GTPBP10: variants seen among roughly 807,000 people sequenced by gnomAD.
GTPBP10 encodes the protein GTP binding protein 10, also known as GTP-binding protein 10.
In GTPBP10, 38 loss-of-function variants were observed where a neutral mutation model predicts 44.8. That is an observed-to-expected ratio of 0.85 (90% CI 0.65 to 1.11). The LOEUF (loss-of-function observed/expected upper bound fraction) is 1.11. Ranked by LOEUF, GTPBP10 falls within the 50% of genes most tolerant of loss-of-function variation. The pLI, the probability that GTPBP10 is intolerant of heterozygous loss-of-function variation, is 0.00. For synonymous variants in GTPBP10, 152 were observed against 150.6 expected, an observed-to-expected ratio of 1.01 and a Z score of -0.07; for missense variants, 462 against 453.7, an observed-to-expected ratio of 1.02 and a Z score of -0.17.
At chr7:90,375,599 T>C (rs143004146) in intron 6 of GTPBP10, among the ~76,000 whole-genome samples, 1 of 152,266 alleles carries the variant, frequency 6.6e-6, no homozygotes, top group Admixed American at 6.5e-5. Flanking sequence ...TATGAATATA[T>C]AGAACAATAT....
At chr7:90,368,048 T>G (rs1796172027) in intron 4 of GTPBP10, among the ~76,000 whole-genome samples, 3 of 152,178 alleles carry the variant, frequency 2.0e-5, no homozygotes, top group Non-Finnish European at 4.4e-5. Flanking sequence ...GAATCTTAAT[T>G]TGGCTGGATA....
At chr7:90,360,352 A>G (rs941258176) in intron 4 of GTPBP10, among the ~76,000 whole-genome samples, 1 of 152,218 alleles carries the variant, frequency 6.6e-6, no homozygotes, top group Non-Finnish European at 1.5e-5. Context: ...TCAGCTTTCT[A>G]CATATGGCTA....
chr7:90,350,695 A>G (rs1469168736), intron 1 of GTPBP10, among the ~76,000 whole-genome samples: 2 of 152,236 alleles, frequency 1.3e-5, no homozygotes, highest in African/African-American at 4.8e-5. Flanking sequence ...TTAATTCACA[A>G]AAAGTGCAAG....
rs896318297 is a variant in GTPBP10 at position 90,368,588 on chromosome 7, A to G, written c.465-3567A>G. 7.9e-5 allele frequency among the ~76,000 whole-genome samples: 12 copies of G among 152,206 alleles called. No individual in the cohort carries two copies. In the South Asian group the frequency reaches 8.3e-4, roughly 11 times the overall value. ...TTTCTTCCACTTGATCCAGTCGGCT[A>G]TTGAAGCTTGTGCGTGCGTCACGAA... On this transcript the variant is annotated intron_variant, in intron 4 of 9. Transcript: ENST00000222511.
chr7:90,364,574 G>A (rs979548265), intron 4 of GTPBP10, among the ~76,000 whole-genome samples: 4 of 152,134 alleles, frequency 2.6e-5, no homozygotes, highest in Admixed American at 2.6e-4. Context: ...GGCTACTCGG[G>A]GATCAGGGAC....
At chr7:90,358,434 G>A (rs1434660300) in intron 4 of GTPBP10, among the ~76,000 whole-genome samples, 1 of 152,064 alleles carries the variant, frequency 6.6e-6, no homozygotes, top group Non-Finnish European at 1.5e-5. Context: ...TAGACCAATG[G>A]AACAGAATAG....
chr7:90,384,801 G>A, intron 9 of GTPBP10, 91 bp from the exon 10 acceptor site: 1 of 1,318,766 alleles, frequency 7.6e-7, no homozygotes, highest in Non-Finnish European at 1.0e-6. Context: ...GCTGGTGTTG[G>A]TTCCCTGCTT....
intron 4 of GTPBP10, among the ~76,000 whole-genome samples, chr7:90,370,604 G>C (rs1796239647): frequency 6.6e-6 from 1 of 152,108 alleles, no homozygotes; most frequent in Non-Finnish European, 1.5e-5. Context: ...TACACTACTT[G>C]GGTGATGGGT....
At chr7:90,366,285 G>C (rs1386986898) in intron 4 of GTPBP10, among the ~76,000 whole-genome samples, 1 of 152,166 alleles carries the variant, frequency 6.6e-6, no homozygotes, top group South Asian at 2.1e-4. Context: ...GATGATGCTA[G>C]CATCATGGAA....
intron 5 of GTPBP10, among the ~76,000 whole-genome samples, chr7:90,372,874 GT>G (rs1796284081): frequency 6.6e-6 from 1 of 152,102 alleles, no homozygotes; most frequent in African/African-American, 2.4e-5. Context: ...AACAGCTCCT[GT>G]TTTGACTTGT....
At chr7:90,377,994 A>C (rs1584645838) in intron 7 of GTPBP10, 140 bp from the exon 8 acceptor site, 1 of 1,124,342 alleles carries the variant, frequency 8.9e-7, no homozygotes, top group African/African-American at 1.6e-5. Flanking sequence ...GATTTCTGTT[A>C]CTTATTTTGA....
At chr7:90,365,618 C>G (rs201925131) in intron 4 of GTPBP10, among the ~76,000 whole-genome samples, 1 of 151,882 alleles carries the variant, frequency 6.6e-6, no homozygotes, top group Admixed American at 6.6e-5. Flanking sequence ...CCTCGTGATC[C>G]GCCCACCTCG....
At chr7:90,366,737 C>T (rs1796142279) in intron 4 of GTPBP10, among the ~76,000 whole-genome samples, 1 of 150,556 alleles carries the variant, frequency 6.6e-6, no homozygotes, top group African/African-American at 2.4e-5. Context: ...AAAAAACCAG[C>T]TCCTGGATTC....
chr7:90,361,300 A>C (rs1158288715), intron 4 of GTPBP10, among the ~76,000 whole-genome samples: 3 of 152,180 alleles, frequency 2.0e-5, no homozygotes, highest in African/African-American at 7.2e-5. Flanking sequence ...TTATTTTGAG[A>C]TACGTTCCAT....
intron 4 of GTPBP10, among the ~76,000 whole-genome samples, chr7:90,362,297 G>C (rs1307138055): frequency 6.6e-6 from 1 of 152,088 alleles, no homozygotes; most frequent in Non-Finnish European, 1.5e-5. Flanking sequence ...TCTACACACT[G>C]CTTGAAATGT....
chr7:90,357,798 C>T (rs1795934297), intron 4 of GTPBP10, among the ~76,000 whole-genome samples: 1 of 152,098 alleles, frequency 6.6e-6, no homozygotes, highest in Non-Finnish European at 1.5e-5. Flanking sequence ...GTCTTTCATA[C>T]ATGGTGGGCC....
At chr7:90,375,687 T>C (rs1418111565) in intron 6 of GTPBP10, among the ~76,000 whole-genome samples, 1 of 152,152 alleles carries the variant, frequency 6.6e-6, no homozygotes, top group Non-Finnish European at 1.5e-5. Flanking sequence ...ATGAGACTTC[T>C]GTTGTGCATG....
In GTPBP10 at chr7:90,383,086, C is replaced by A; in HGVS notation, c.901+7C>A. ...CAGCTCCAGAATCCTAAAGGTAAAC[C>A]TATTTATTCATTTAATTCTAATTTA... On this transcript the variant is annotated splice_region_variant and intron_variant, in intron 9 of 9. Coordinates refer to ENST00000222511, the MANE Select transcript of GTPBP10 (RefSeq NM_033107.4). 2 of 1,532,068 alleles carry A rather than the reference C, an allele frequency of 1.3e-6. No individual in the cohort carries two copies. The highest frequency in any genetic ancestry group is 1.8e-6 in the Non-Finnish European group (2 of 1,132,020). The allele number at this position is 1,532,068 out of a possible 1,614,324, so 94.9% of individuals were successfully genotyped here. A position where few individuals can be genotyped will look rare whatever the true frequency, so the allele number is the denominator to read the frequency against.
intron 4 of GTPBP10, among the ~76,000 whole-genome samples, chr7:90,362,170 G>C (rs1398496779): frequency 1.3e-5 from 2 of 151,700 alleles, no homozygotes; most frequent in Non-Finnish European, 2.9e-5. Context: ...CTTGCTTTCT[G>C]CTAGCTTTTG....
Sources: allele counts gnomAD v4.1 joint callset (sites outside exome capture counted in the v4.1 genomes callset), GRCh38; gene constraint gnomAD v4.1.1; transcripts MANE v1.5; gene names NCBI Gene and HGNC (gene_info 2026-07-23, HGNC 2026-07-21).